KSR2: variants seen among roughly 807,000 people sequenced by gnomAD.
KSR2 encodes kinase suppressor of ras 2.
In KSR2, 25 loss-of-function variants were observed where a neutral mutation model predicts 107.8. That is an observed-to-expected ratio of 0.23 (90% CI 0.17 to 0.32). KSR2 has a LOEUF of 0.32. KSR2 is among the 10% of genes least tolerant of loss of function. KSR2 has a pLI of 1.00. For synonymous variants in KSR2, 480 were observed against 507.0 expected, an observed-to-expected ratio of 0.95 and a Z score of 0.71; for missense variants, 887 against 1,268.9, an observed-to-expected ratio of 0.70 and a Z score of 4.57.
At chr12:117,643,529 A>C (rs1883476154) in intron 5 of KSR2, among the ~76,000 whole-genome samples, 1 of 152,238 alleles carries the variant, frequency 6.6e-6, no homozygotes, top group African/African-American at 2.4e-5. Context: ...TTTAACACCA[A>C]AAAAGGATGC....
At chr12:117,968,029 CTTTTTT>C (rs34834989) in intron 1 of KSR2, 41 bp downstream of exon 1, 15,679 of 665,626 alleles carry the variant, frequency 0.024, 6 homozygotes, top group East Asian at 0.058. Flanking sequence ...AGAAGGATTG[CTTTTTT>C]TTTTTTTTTT....
intron 7 of KSR2, among the ~76,000 whole-genome samples, chr12:117,569,446 TAAAGGCCATGAA>T (rs1028413309): frequency 2.6e-5 from 4 of 152,180 alleles, no homozygotes; most frequent in Non-Finnish European, 5.9e-5. Context: ...AGGACTCGTA[TAAAGGCCATGAA>T]AACACCACTG....
chr12:117,715,027 A>G (rs998527365), intron 4 of KSR2, among the ~76,000 whole-genome samples: 9 of 151,640 alleles, frequency 5.9e-5, no homozygotes, highest in South Asian at 2.1e-4. Context: ...CAGAAAAAAA[A>G]CTCTCCTGGT....
chr12:117,940,562 G>A (rs754014104), intron 1 of KSR2, among the ~76,000 whole-genome samples: 8 of 152,124 alleles, frequency 5.3e-5, no homozygotes, highest in Non-Finnish European at 8.8e-5. Context: ...GTACTGCAGT[G>A]TTCACAAACA....
chr12:117,483,836 A>G (rs1378452142), intron 16 of KSR2, among the ~76,000 whole-genome samples: 2 of 152,226 alleles, frequency 1.3e-5, no homozygotes, highest in African/African-American at 4.8e-5. Context: ...CACTGGGTGG[A>G]TGCTTGATGC....
chr12:117,455,030 C>T lies in KSR2; in HGVS notation c.*12169G>A, dbSNP rs865837266. 5.0e-5 allele frequency: 6 copies of T among 120,128 alleles called. No homozygotes were observed. The highest frequency in any genetic ancestry group is 4.1e-4 in the Admixed American group (5 of 12,256). The allele number at this position is 120,128 out of a possible 1,614,324, so 7.4% of individuals were successfully genotyped here. On this transcript the variant is annotated 3_prime_UTR_variant, in exon 20 of 20. Transcript: ENST00000339824. ...AGACAGAGACAGACACAGAGACAGA[C>T]AGACAGAGAGAGAGAGAGAGAGAGA... is the stretch of plus-strand genomic sequence containing the variant.
intron 5 of KSR2, among the ~76,000 whole-genome samples, chr12:117,587,561 A>G (rs1259653119): frequency 6.6e-6 from 1 of 152,172 alleles, no homozygotes; most frequent in African/African-American, 2.4e-5. Flanking sequence ...GTAAGATAAT[A>G]AATCTGTGTT....
chr12:117,512,325 C>A (rs1874074979), intron 14 of KSR2, among the ~76,000 whole-genome samples: 1 of 152,176 alleles, frequency 6.6e-6, no homozygotes, highest in Non-Finnish European at 1.5e-5. Flanking sequence ...TGGTTTTCCT[C>A]AATTCTCTTG....
At chr12:117,937,238 A>G (rs575401463) in intron 1 of KSR2, among the ~76,000 whole-genome samples, 200 of 152,344 alleles carry the variant, frequency 1.3e-3, no homozygotes, top group Non-Finnish European at 2.1e-3. Flanking sequence ...CATGCTACCA[A>G]TGAATTTTTC....
chr12:117,555,111 CCCCT>C lies in KSR2; in HGVS notation c.1518+54_1518+57del, dbSNP rs1377055954. The C allele has an allele frequency of 1.3e-5, 21 of 1,608,518 alleles. No homozygotes were observed. In the East Asian group the frequency reaches 4.7e-4, roughly 36 times the overall value. ...CCAGATCAACCCTTCCTCCCTCCTA[CCCCT>C]CACCCAGCAGTGCCAGCCCCACATG... On this transcript the variant is annotated intron_variant, in intron 9 of 19. Transcript: ENST00000339824.
intron 3 of KSR2, among the ~76,000 whole-genome samples, chr12:117,793,806 G>T (rs886157806): frequency 5.6e-5 from 5 of 89,252 alleles, no homozygotes; most frequent in African/African-American, 2.1e-4. Context: ...CATGCAACAT[G>T]CACACACCAA....
chr12:117,583,123 G>A (rs1173908317), intron 5 of KSR2, among the ~76,000 whole-genome samples: 1 of 151,962 alleles, frequency 6.6e-6, no homozygotes, highest in Non-Finnish European at 1.5e-5. Flanking sequence ...GGATAGATGA[G>A]CAGGATGGAT....
intron 4 of KSR2, among the ~76,000 whole-genome samples, chr12:117,674,729 T>C (rs970790542): frequency 1.3e-5 from 2 of 152,246 alleles, no homozygotes; most frequent in Non-Finnish European, 2.9e-5. Context: ...TTGGATTCTT[T>C]ACAATGTATT....
chr12:117,538,088 G>A (rs984719925), intron 10 of KSR2, among the ~76,000 whole-genome samples: 1 of 129,804 alleles, frequency 7.7e-6, no homozygotes, highest in Non-Finnish European at 1.6e-5. Context: ...GGGTGGTCAT[G>A]GGAAGTCTAA....
intron 7 of KSR2, among the ~76,000 whole-genome samples, chr12:117,559,471 C>G (rs1877956273): frequency 6.6e-6 from 1 of 152,128 alleles, no homozygotes; most frequent in Admixed American, 6.5e-5. Context: ...ACGAAATGGG[C>G]ATTATTATCA....
intron 4 of KSR2, among the ~76,000 whole-genome samples, chr12:117,695,924 G>A (rs76270544): frequency 3.5e-4 from 53 of 152,102 alleles, no homozygotes; most frequent in Non-Finnish European, 6.2e-4. Context: ...ACTGCCATCC[G>A]TTGGCAAATG....
chr12:117,654,081 C>T (rs1175291686), intron 5 of KSR2, among the ~76,000 whole-genome samples: 1 of 152,208 alleles, frequency 6.6e-6, no homozygotes, highest in Non-Finnish European at 1.5e-5. Flanking sequence ...AGAGACAGCT[C>T]TTGGCCTGTT....
Position 117,907,135 on chromosome 12 carries a change from T to C in KSR2, c.181-46704A>G, listed in dbSNP as rs1439937165. Among the ~76,000 whole-genome samples the C allele has an allele frequency of 6.6e-6, 1 of 152,128 alleles. No individual in the cohort carries two copies. The highest frequency in any genetic ancestry group is 3.2e-3 in the Middle Eastern group (1 of 316). On this transcript the variant is annotated intron_variant, in intron 1 of 19. Coordinates refer to ENST00000339824, the MANE Select transcript of KSR2 (RefSeq NM_173598.6). This position sits in a 1 kb window ranked among gnomAD's most constrained non-coding sequence, Gnocchi z 4.3. ...TTCAACAATTCTATTATCCCCCCTT[T>C]GGATAGATGGGGAAGCTGAAGCTCA...
intron 4 of KSR2, among the ~76,000 whole-genome samples, chr12:117,707,793 A>C (rs117321502): frequency 1.3e-5 from 2 of 152,298 alleles, no homozygotes; most frequent in East Asian, 3.9e-4. Flanking sequence ...TCTGACTCCA[A>C]AACCAGCACC....
Sources: allele counts gnomAD v4.1 joint callset (sites outside exome capture counted in the v4.1 genomes callset), GRCh38; gene constraint gnomAD v4.1.1; non-coding constraint Gnocchi (gnomAD v3.1); transcripts MANE v1.5; gene names NCBI Gene and HGNC (gene_info 2026-07-23, HGNC 2026-07-21).